Variants in BCAR1 observed in about 807,000 individuals in gnomAD.
BCAR1 encodes BCAR1 scaffold protein, Cas family member.
Under a neutral mutation model 67.6 loss-of-function variants are expected in BCAR1, and 30 were observed. That is an observed-to-expected ratio of 0.44 (90% CI 0.33 to 0.60). The LOEUF (loss-of-function observed/expected upper bound fraction) is 0.60. Ranked by LOEUF, BCAR1 falls within the 20% of genes least tolerant of loss-of-function variation. The pLI is 0.02. For synonymous variants in BCAR1, 626 were observed against 556.7 expected (o/e 1.12, Z -1.75); for missense variants, 1,313 against 1,222.3 (o/e 1.07, Z -1.11).
intron 2 of BCAR1, chr16:75,238,104 C>T (rs1376679085): frequency 7.8e-7 from 1 of 1,288,892 alleles, no homozygotes; most frequent in South Asian, 1.2e-5. Context: ...GACCCAGAGC[C>T]CAGGGAAGCC....
upstream of BCAR1, chr16:75,251,998 C>T: frequency 1.6e-6 from 1 of 626,552 alleles, no homozygotes; most frequent in East Asian, 2.8e-5. Flanking sequence ...CTCAAGTCGA[C>T]TTGTCTTTCC....
At chr16:75,232,474 T>C (rs997912038) in intron 6 of BCAR1, among the ~76,000 whole-genome samples, 1 of 152,160 alleles carries the variant, frequency 6.6e-6, no homozygotes, top group African/African-American at 2.4e-5. Flanking sequence ...TTTGTATTAA[T>C]GTATACAGAC....
intron 2 of BCAR1, chr16:75,238,644 G>GT (rs1447849394): frequency 1.0e-6 from 1 of 985,982 alleles, no homozygotes; most frequent in African/African-American, 1.7e-5. Context: ...AGCACGCCTG[G>GT]TAGCAGAGTC....
chr16:75,257,284 C>A (rs956652640), intron 1 of BCAR1, among the ~76,000 whole-genome samples: 1 of 152,274 alleles, frequency 6.6e-6, no homozygotes, highest in South Asian at 2.1e-4. Flanking sequence ...CTCCCGGCCG[C>A]TTTCATAGAA....
Position 75,229,401 on chromosome 16 carries a change from C to G in BCAR1, c.*110G>C. 1 of 1,401,290 alleles carries G rather than the reference C, an allele frequency of 7.1e-7. No homozygotes were observed. The highest frequency in any genetic ancestry group is 1.4e-5 in the African/African-American group (1 of 69,150). 86.8% of individuals were successfully genotyped at this position (1,401,290 alleles called of 1,614,324 possible). On this transcript the variant is annotated 3_prime_UTR_variant, in exon 7 of 7. Coordinates refer to ENST00000162330, the MANE Select transcript of BCAR1 (RefSeq NM_014567.5). ...GGCATCCAGGGCACCAGGACCGACG[C>G]AGAGCTGGGGTCCTGTCCCTAAGCC...
intron 6 of BCAR1, 143 bp downstream of exon 6, chr16:75,233,703 G>C (rs548694717): frequency 1.2e-4 from 90 of 722,682 alleles, no homozygotes; most frequent in Middle Eastern, 7.8e-4. Flanking sequence ...CAGGAGGCAG[G>C]GGGGTGGCAG....
At chr16:75,236,175 C>T (rs1261751607) in intron 4 of BCAR1, 189 bp from the exon 5 acceptor site, 4 of 670,400 alleles carry the variant, frequency 6.0e-6, no homozygotes, top group South Asian at 2.0e-5. Flanking sequence ...CGCGCACACA[C>T]ACTCGCAGCC....
In BCAR1 at chr16:75,243,107, C is replaced by G. The variant is rs2151436922; in HGVS notation, c.13-17G>C. ...CAGCACGTTCTGGGGAGAGAGGACA[C>G]AGGTGTGAGAACAGAAGGATGTGCA... On this transcript the variant is annotated splice_polypyrimidine_tract_variant and intron_variant, in intron 1 of 6. Coordinates refer to ENST00000162330, the MANE Select transcript of BCAR1 (RefSeq NM_014567.5). 1 of 1,567,902 alleles carries G rather than the reference C, an allele frequency of 6.4e-7. No individual in the cohort carries two copies. The highest frequency in any genetic ancestry group is 1.2e-5 in the South Asian group (1 of 83,410).
rs997443813 is a variant in BCAR1 at position 75,251,071 on chromosome 16, C to A, written c.12+400G>T. The A allele has an allele frequency of 6.6e-6, 5 of 752,684 alleles. No homozygotes were observed. In the East Asian group the frequency reaches 3.4e-4, roughly 50 times the overall value. The allele number at this position is 752,684 out of a possible 1,614,324, so 46.6% of individuals were successfully genotyped here. A position where few individuals can be genotyped will look rare whatever the true frequency, so the allele number is the denominator to read the frequency against. ...CCGGTGGGCAGTCCCCACGCCACACCAGCCGGACCACCCGCCAGAGGCTCA... is the reference window on the plus strand; with the variant it reads ...CCGGTGGGCAGTCCCCACGCCACACAAGCCGGACCACCCGCCAGAGGCTCA... On this transcript the variant is annotated intron_variant, in intron 1 of 6. Transcript: ENST00000162330.
intron 1 of BCAR1, chr16:75,266,017 G>C: frequency 9.7e-7 from 1 of 1,027,138 alleles, no homozygotes; most frequent in Non-Finnish European, 1.2e-6. Context: ...TGCGCCGCCC[G>C]CGCCGCCCCC....
At chr16:75,234,331 T>C (rs2077021088) in intron 5 of BCAR1, among the ~76,000 whole-genome samples, 2 of 152,118 alleles carry the variant, frequency 1.3e-5, no homozygotes, top group African/African-American at 4.8e-5. Context: ...AGGAAGAGAC[T>C]GGGCAGAGGG....
chr16:75,237,028 C>A lies in BCAR1; in HGVS notation c.796-30G>T. On this transcript the variant is annotated intron_variant, in intron 3 of 6. Transcript: ENST00000162330. ...GGCAGAAACAGTGCAGGGTTAACGG[C>A]GCCAGGGCCACTTGGGGGAATAGGA... is the stretch of plus-strand genomic sequence containing the variant. 4 of 1,554,426 alleles carry A rather than the reference C, an allele frequency of 2.6e-6. No individual in the cohort carries two copies. The South Asian group carries it at 4.9e-5, about 19-fold the overall frequency.
chr16:75,232,592 T>C (rs2076938789), intron 6 of BCAR1, among the ~76,000 whole-genome samples: 1 of 152,212 alleles, frequency 6.6e-6, no homozygotes. Context: ...TTTATTCTTT[T>C]CTTGGGTGTT....
chr16:75,233,735 T>C (rs1187433959), intron 6 of BCAR1, 111 bp downstream of exon 6: 1 of 1,141,978 alleles, frequency 8.8e-7, no homozygotes, highest in Non-Finnish European at 1.2e-6. Context: ...CTCTGAGCAC[T>C]GTCAGACAAC....
chr16:75,267,550 C>A lies in BCAR1; in HGVS notation c.66+365G>T, dbSNP rs57803698. 5.8e-3 allele frequency among the ~76,000 whole-genome samples: 890 copies of A among 152,226 alleles called. 6 individuals carry two copies. Among genetic ancestry groups the A allele is most frequent in the African/African-American group, 0.02 (823 of 41,532 alleles). ...GCAGCAGCTCTGCCTGGCGCCCGGGCTCCTGGCCACACGCCCTGCTGTCTC... is the reference window on the plus strand; with the variant it reads ...GCAGCAGCTCTGCCTGGCGCCCGGGATCCTGGCCACACGCCCTGCTGTCTC... On this transcript the variant is annotated intron_variant, in intron 1 of 6. Transcript: ENST00000393422.
At chr16:75,233,356 G>A (rs1382609251) in intron 6 of BCAR1, among the ~76,000 whole-genome samples, 1 of 150,950 alleles carries the variant, frequency 6.6e-6, no homozygotes, top group African/African-American at 2.4e-5. Flanking sequence ...CTGTGTGACA[G>A]AACAAGATTC....
rs60447098 is a variant in BCAR1 at position 75,234,164 on chromosome 16, G to GACACACAC, written c.2011-237_2011-230dup. Reference sequence around the variant, plus strand: ...TGGCACGTGCAGGGGCAGGCAGACAGACACACACACACACACACACACACA... The same window carrying GACACACAC: ...TGGCACGTGCAGGGGCAGGCAGACAGACACACACACACACACACACACACACACACACA... On this transcript the variant is annotated intron_variant, in intron 5 of 6. Coordinates refer to ENST00000162330, the MANE Select transcript of BCAR1 (RefSeq NM_014567.5). Among the ~76,000 whole-genome samples, 608 of 94,990 alleles carry GACACACAC rather than the reference G, an allele frequency of 6.4e-3. 10 individuals are homozygous for GACACACAC. The highest frequency in any genetic ancestry group is 0.018 in the African/African-American group (575 of 32,122). The allele number at this position is 94,990 out of a possible 152,430, so 62.3% of individuals were successfully genotyped here. A position where few individuals can be genotyped will look rare whatever the true frequency, so the allele number is the denominator to read the frequency against.
At chr16:75,240,167 A>C (rs1488867243) in intron 2 of BCAR1, among the ~76,000 whole-genome samples, 1 of 151,312 alleles carries the variant, frequency 6.6e-6, no homozygotes, top group East Asian at 1.9e-4. Context: ...CATCCTTGTC[A>C]CTCACCCTCT....
Position 75,238,110 on chromosome 16 carries a change from A to T in BCAR1, c.634-766T>A, listed in dbSNP as rs976250051. 41 of 1,288,714 alleles carry T rather than the reference A, an allele frequency of 3.2e-5. No individual in the cohort carries two copies. In the Admixed American group the frequency reaches 9.4e-4, roughly 30 times the overall value. The allele number at this position is 1,288,714 out of a possible 1,614,324, so 79.8% of individuals were successfully genotyped here. Reference sequence around the variant, plus strand: ...TCTTACCATGACCCAGAGCCCAGGGAAGCCAAGGCCCGCACAGTGGGTGAA... The same window carrying T: ...TCTTACCATGACCCAGAGCCCAGGGTAGCCAAGGCCCGCACAGTGGGTGAA... On this transcript the variant is annotated intron_variant, in intron 2 of 6. Coordinates refer to ENST00000162330, the MANE Select transcript of BCAR1 (RefSeq NM_014567.5).
Sources: gnomAD v4.1 joint callset for allele counts (sites outside exome capture counted in the v4.1 genomes callset) on GRCh38, gnomAD v4.1.1 for gene constraint, MANE v1.5 for transcripts, NCBI Gene and HGNC (gene_info 2026-07-23, HGNC 2026-07-21) for gene names.